Variants in STAB2 observed in about 807,000 individuals in gnomAD.
STAB2 encodes stabilin-2.
A neutral mutation model predicts 338.1 loss-of-function variants in STAB2; 288 were observed. That is an observed-to-expected ratio of 0.85 (90% confidence interval 0.77 to 0.94). The LOEUF is 0.94. Ranked by LOEUF, STAB2 falls within the 40% of genes least tolerant of loss-of-function variation. The probability of loss-of-function intolerance (pLI) is 0.00; values close to 1 mark genes in which losing one functional copy is unlikely to be tolerated. For synonymous variants in STAB2, 1,202 were observed against 1,193.3 expected (o/e 1.01, Z -0.15); for missense variants, 3,141 against 3,210.1 (o/e 0.98, Z 0.52).
At chr12:103,742,068 C>T (rs924059520) in intron 55 of STAB2, among the ~76,000 whole-genome samples, 5 of 150,038 alleles carry the variant, frequency 3.3e-5, no homozygotes, top group Admixed American at 2.0e-4. Context: ...ATAGGTCAAG[C>T]AGACACTGTA....
chr12:103,695,492 G>T (rs910587951), intron 31 of STAB2, 58 bp from the exon 32 acceptor site: 2 of 1,557,408 alleles, frequency 1.3e-6, no homozygotes, highest in Non-Finnish European at 1.8e-6. Context: ...CCTATGTATC[G>T]AAAAGCAGTA....
Position 103,704,657 on chromosome 12 carries a change from A to G in STAB2, c.3900+43A>G, listed in dbSNP as rs1206229181. 3 of 1,567,400 alleles carry G rather than the reference A, an allele frequency of 1.9e-6. No homozygotes were observed. In the South Asian group the frequency reaches 3.4e-5, roughly 18 times the overall value. The stretch of plus-strand genomic sequence containing the variant: ...TTTGATAAAATAGTTTCCAGATCCG[A>G]GGAGTCCCAATTAGAAAATGAACCT... On this transcript the variant is annotated intron_variant, in intron 36 of 68. Transcript: ENST00000388887.
intron 35 of STAB2, 79 bp from the exon 36 acceptor site, chr12:103,704,479 C>T: frequency 6.9e-7 from 1 of 1,444,480 alleles, no homozygotes; most frequent in Non-Finnish European, 9.5e-7. Context: ...ATTCAAAAAC[C>T]TTCATTTCCA....
chr12:103,686,273 C>T (rs1016994370), intron 27 of STAB2, among the ~76,000 whole-genome samples: 2 of 152,154 alleles, frequency 1.3e-5, no homozygotes, highest in African/African-American at 4.8e-5. Flanking sequence ...CCTTTCCACC[C>T]TTCCCCTCTC....
intron 24 of STAB2, among the ~76,000 whole-genome samples, chr12:103,677,025 T>C (rs1876441871): frequency 6.6e-6 from 1 of 152,146 alleles, no homozygotes; most frequent in African/African-American, 2.4e-5. Context: ...AGCCTCCTGG[T>C]GAGGCTCCTC....
At chr12:103,649,827 A>AG (rs994365712) in intron 10 of STAB2, among the ~76,000 whole-genome samples, 4 of 152,022 alleles carry the variant, frequency 2.6e-5, no homozygotes, top group African/African-American at 9.7e-5. Flanking sequence ...GGGACCAGAC[A>AG]GGGGGGAGGT....
intron 3 of STAB2, among the ~76,000 whole-genome samples, chr12:103,615,850 T>G (rs1048222009): frequency 1.3e-5 from 2 of 152,152 alleles, no homozygotes; most frequent in Admixed American, 6.5e-5. Flanking sequence ...GTGAGACTCA[T>G]TCACTATCAC....
chr12:103,717,632 A>G (rs1028293798), intron 43 of STAB2, 138 bp from the exon 44 acceptor site: 1 of 688,742 alleles, frequency 1.5e-6, no homozygotes, highest in Non-Finnish European at 2.6e-6. Flanking sequence ...TCATTATAAA[A>G]TAGATATTAC....
intron 3 of STAB2, among the ~76,000 whole-genome samples, chr12:103,606,166 C>A (rs1444040396): frequency 6.6e-6 from 1 of 151,926 alleles, no homozygotes; most frequent in African/African-American, 2.4e-5. Flanking sequence ...TAAATGTTTG[C>A]TTTAAGGTTT....
rs991440609 is a variant in STAB2, at chr12:103,740,771, T to TC, written c.5881+21dup. 5.1e-6 allele frequency: 8 copies of TC among 1,557,342 alleles called. No individual in the cohort carries two copies. In the African/African-American group the frequency reaches 9.8e-5, roughly 19 times the overall value. ...AGACTGTCAGGGTGAGGGTGCCTCT[T>TC]CCCCCCTCGCAACTCTAAAAGTGGT... On this transcript the variant is annotated intron_variant, in intron 55 of 68. Transcript: ENST00000388887.
At chr12:103,744,633 A>G (rs547241815) in intron 56 of STAB2, among the ~76,000 whole-genome samples, 1 of 150,970 alleles carries the variant, frequency 6.6e-6, no homozygotes, top group African/African-American at 2.4e-5. Context: ...CATCTGGCTA[A>G]TTTTTGTTTG....
intron 17 of STAB2, among the ~76,000 whole-genome samples, chr12:103,661,637 G>A (rs1874630021): frequency 6.6e-6 from 1 of 152,188 alleles, no homozygotes; most frequent in South Asian, 2.1e-4. Flanking sequence ...TGGGGATGGA[G>A]CTGACATCTT....
At chr12:103,708,418 T>A (rs772805679) in intron 38 of STAB2, 23 bp from the exon 39 acceptor site, 1 of 1,611,168 alleles carries the variant, frequency 6.2e-7, no homozygotes, top group South Asian at 1.1e-5. Flanking sequence ...ATCTGACGAT[T>A]TGCAGGTGAT....
intron 2 of STAB2, chr12:103,592,314 T>C (rs1204265597): frequency 6.6e-6 from 1 of 152,202 alleles, no homozygotes; most frequent in East Asian, 1.9e-4. Context: ...TTGCCAAAGC[T>C]GAAAACTTTT....
chr12:103,601,682 A>C (rs575842363), intron 3 of STAB2, among the ~76,000 whole-genome samples: 14 of 152,334 alleles, frequency 9.2e-5, no homozygotes, highest in African/African-American at 3.4e-4. Flanking sequence ...TTTGAACCTG[A>C]AGAAATGCCT....
intron 61 of STAB2, 76 bp downstream of exon 61, chr12:103,753,429 A>G (rs3751198): frequency 0.61 from 981,460 of 1,599,130 alleles, 304,201 homozygotes; most frequent in South Asian, 0.82. Context: ...TAAGATGGGG[A>G]AGACTTGAGC....
Position 103,650,515 on chromosome 12 carries a change from A to C in STAB2, c.1194A>C (p.Pro398=). 6.2e-7 allele frequency: 1 copy of C among 1,613,290 alleles called. No homozygotes were observed. The highest frequency in any genetic ancestry group is 8.5e-7 in the Non-Finnish European group (1 of 1,179,360). ...ISLLDKAYAW[P]LSKLGPFTVL... is the part of the protein sequence containing the mutation. ...CCTAAGACAAAGCTTATGCCTGGCCACTGAGTAAGCTGGGACCCTTCACGG... is the reference window on the plus strand; with the variant it reads ...CCTAAGACAAAGCTTATGCCTGGCCCCTGAGTAAGCTGGGACCCTTCACGG... The change falls in exon 11 of 69, where the codon CCA becomes CCC. Residue 398 remains proline, a synonymous_variant. Transcript: ENST00000388887.
In STAB2 at chr12:103,750,725, G is replaced by T. The variant is rs546173954; in HGVS notation, c.6580+5G>T. 1 of 1,611,708 alleles carries T rather than the reference G, an allele frequency of 6.2e-7. No homozygotes were observed. Among genetic ancestry groups the T allele is most frequent in the Non-Finnish European group, 8.5e-7 (1 of 1,178,134 alleles). On this transcript the variant is annotated splice_donor_5th_base_variant and intron_variant, in intron 60 of 68. Transcript: ENST00000388887. ...GTGTCGACCTCCACTTCCAGGGTTAGTGTGACCAGGGCCTATGGCCCAAAG... is the reference window on the plus strand; with the variant it reads ...GTGTCGACCTCCACTTCCAGGGTTATTGTGACCAGGGCCTATGGCCCAAAG...
At position 103,675,131 on chromosome 12, in the gene STAB2, A is replaced by T. The variant is rs1372153993; in HGVS notation, c.2553-797A>T. 3.3e-5 allele frequency among the ~76,000 whole-genome samples: 5 copies of T among 152,288 alleles called. No individual in the cohort carries two copies. The South Asian group carries it at 6.2e-4, about 19-fold the overall frequency. On this transcript the variant is annotated intron_variant, in intron 23 of 68. Transcript: ENST00000388887. ...AGGAAGCTTGATACATGAAATATATATTTTTTTAATTTTTGTAAGGCATGT... is the reference window on the plus strand; with the variant it reads ...AGGAAGCTTGATACATGAAATATATTTTTTTTTAATTTTTGTAAGGCATGT...
Sources: allele counts gnomAD v4.1 joint callset (sites outside exome capture counted in the v4.1 genomes callset), GRCh38; gene constraint gnomAD v4.1.1; transcripts MANE v1.5; gene names NCBI Gene and HGNC (gene_info 2026-07-23, HGNC 2026-07-21).